SLC15A4: variants seen among roughly 807,000 people sequenced by gnomAD.
SLC15A4 encodes the protein hPHT1.
SLC15A4 carries 26 observed loss-of-function variants against 46.1 expected under a neutral mutation model. That is an observed-to-expected ratio of 0.56 (90% CI 0.41 to 0.78). The LOEUF (loss-of-function observed/expected upper bound fraction) is 0.78, where lower values mean the gene tolerates loss of function less well. Among genes scored for constraint, SLC15A4 ranks in the 30% least tolerant of loss-of-function variants. The pLI is 0.00. For missense variants in SLC15A4, 751 were observed against 755.7 expected (o/e 0.99, Z 0.07); for synonymous variants, 370 against 333.4 (o/e 1.11, Z -1.20).
At chr12:128,818,257 C>A (rs1955786508) in intron 1 of SLC15A4, among the ~76,000 whole-genome samples, 1 of 152,168 alleles carries the variant, frequency 6.6e-6, no homozygotes, top group Admixed American at 6.5e-5. Flanking sequence ...CTTGGACTCA[C>A]AGCTCACACA....
intron 2 of SLC15A4, chr12:128,814,574 G>A (rs1407441470): frequency 3.5e-6 from 2 of 578,024 alleles, no homozygotes. Flanking sequence ...CTGGAATCAG[G>A]CCACTGGCCT....
At chr12:128,815,130 C>G (rs2306683) in intron 1 of SLC15A4, 60 bp from the exon 2 acceptor site, 934,706 of 1,490,876 alleles carry the variant, frequency 0.63, 295,553 homozygotes, top group Non-Finnish European at 0.65. Flanking sequence ...GGATGAAAAC[C>G]ATATACGGTC....
Position 128,814,755 on chromosome 12 carries a change from G to A in SLC15A4, c.842+20C>T. 6.2e-7 allele frequency: 1 copy of A among 1,608,674 alleles called. No individual in the cohort carries two copies. Among genetic ancestry groups the A allele is most frequent in the South Asian group, 1.1e-5 (1 of 90,978 alleles). On this transcript the variant is annotated intron_variant, in intron 2 of 7. Coordinates refer to ENST00000266771, the MANE Select transcript of SLC15A4 (RefSeq NM_145648.4). ...GATAAAGTCCTTTCAAACAGCCCAA[G>A]ATGAGAACTAAGTGCTTACCCATTA... is the stretch of plus-strand genomic sequence containing the variant.
chr12:128,795,523 C>T (rs553390827), intron 7 of SLC15A4, among the ~76,000 whole-genome samples: 4 of 152,220 alleles, frequency 2.6e-5, no homozygotes, highest in East Asian at 3.9e-4. Flanking sequence ...GGGAAAGCGC[C>T]GAGGAGCAGC....
intron 1 of SLC15A4, among the ~76,000 whole-genome samples, chr12:128,820,375 T>C (rs555346990): frequency 3.3e-5 from 5 of 152,356 alleles, no homozygotes; most frequent in South Asian, 4.1e-4. Flanking sequence ...CTAAGACTCC[T>C]GTGAGGTTCA....
intron 5 of SLC15A4, among the ~76,000 whole-genome samples, chr12:128,802,884 G>A (rs1408140846): frequency 2.0e-5 from 3 of 152,196 alleles, no homozygotes; most frequent in African/African-American, 4.8e-5. Context: ...CGGCAAAGGC[G>A]CACACACAGC....
At chr12:128,799,928 GC>G (rs1364989906) in intron 6 of SLC15A4, among the ~76,000 whole-genome samples, 1 of 151,972 alleles carries the variant, frequency 6.6e-6, no homozygotes, top group Non-Finnish European at 1.5e-5. Context: ...CGCAACTTCC[GC>G]CTCCCTGGTT....
At chr12:128,807,607 G>T (rs1955605028) in intron 5 of SLC15A4, among the ~76,000 whole-genome samples, 1 of 152,220 alleles carries the variant, frequency 6.6e-6, no homozygotes, top group Admixed American at 6.5e-5. Flanking sequence ...CCAGTGCAAA[G>T]ACTTCCTGCA....
At position 128,823,854 on chromosome 12, in the gene SLC15A4, G is replaced by A. The variant is rs983621831; in HGVS notation, c.90C>T (p.Phe30=). ...AAAAAAAAGA[F]AGRRAACGAV... ...CCCCGCACGCCGCGCGCCGGCCCGC[G>A]AACGCCCCAGCCGCCGCCGCGGCCG... Residue 30 remains phenylalanine, a synonymous_variant, in exon 1 of 8, where the codon TTC becomes TTT. Transcript: ENST00000266771. 7.2e-6 allele frequency: 9 copies of A among 1,244,424 alleles called. No homozygotes were observed. In the African/African-American group the frequency reaches 1.3e-4, roughly 17 times the overall value. 77.1% of individuals were successfully genotyped at this position (1,244,424 alleles called of 1,614,324 possible). A position where few individuals can be genotyped will look rare whatever the true frequency, so the allele number is the denominator to read the frequency against.
rs1347433492 is a variant in SLC15A4 at position 128,823,764 on chromosome 12, T to C, written c.180A>G (p.Leu60=). The C allele has an allele frequency of 7.8e-6, 12 of 1,534,192 alleles. No individual in the cohort carries two copies. The highest frequency in any genetic ancestry group is 2.6e-5 in the East Asian group (1 of 38,196). Residue 60 remains leucine, a synonymous_variant, in exon 1 of 8, where the codon CTA becomes CTG. Transcript: ENST00000266771. ...AGCAGAACGGCGCCCCGTTCAGGAA[T>C]AGCACCAGGTTGGACGTGATGCCGT... The part of the protein sequence containing the change: ...AFYGITSNLV[L]FLNGAPFCWE...
chr12:128,823,266 G>A, intron 1 of SLC15A4, 132 bp downstream of exon 1: 2 of 862,290 alleles, frequency 2.3e-6, no homozygotes, highest in Non-Finnish European at 3.2e-6. Context: ...GGGATTCCTC[G>A]GCACTAGACA....
At chr12:128,814,038 G>A (rs1379718986) in intron 2 of SLC15A4, 1 of 155,516 alleles carries the variant, frequency 6.4e-6, no homozygotes, top group Admixed American at 6.5e-5. Context: ...TGACTTGGAG[G>A]GGTTCTGAGG....
intron 1 of SLC15A4, among the ~76,000 whole-genome samples, chr12:128,817,883 G>C (rs980576805): frequency 1.3e-5 from 2 of 152,124 alleles, no homozygotes; most frequent in African/African-American, 4.8e-5. Flanking sequence ...CCTGCCCATC[G>C]TTTGCATGAC....
intron 2 of SLC15A4, among the ~76,000 whole-genome samples, chr12:128,812,486 A>G (rs1443797360): frequency 1.3e-5 from 2 of 151,878 alleles, no homozygotes; most frequent in Non-Finnish European, 2.9e-5. Context: ...CGCCCGGCTA[A>G]TTTTTTGTAT....
chr12:128,810,831 A>G, intron 2 of SLC15A4, among the ~76,000 whole-genome samples: 1 of 152,082 alleles, frequency 6.6e-6, no homozygotes, highest in East Asian at 1.9e-4. Flanking sequence ...TCAGGGCCCT[A>G]TTGCACAGAG....
chr12:128,808,719 A>C, intron 5 of SLC15A4, 69 bp downstream of exon 5: 1 of 1,529,444 alleles, frequency 6.5e-7, no homozygotes, highest in South Asian at 1.2e-5. Flanking sequence ...ACTGCGTGTG[A>C]GCACTATATT....
chr12:128,809,681 A>G, intron 3 of SLC15A4: 1 of 548,196 alleles, frequency 1.8e-6, no homozygotes, highest in Non-Finnish European at 3.2e-6. Context: ...ATGGCCAGTT[A>G]TCCAAAGGAG....
intron 7 of SLC15A4, among the ~76,000 whole-genome samples, chr12:128,796,207 T>C (rs1955440136): frequency 6.6e-6 from 1 of 152,188 alleles, no homozygotes; most frequent in East Asian, 1.9e-4. Context: ...GGTGATCAAC[T>C]GAGGTCAGGA....
At chr12:128,822,195 C>T (rs374203140) in intron 1 of SLC15A4, among the ~76,000 whole-genome samples, 20 of 152,300 alleles carry the variant, frequency 1.3e-4, no homozygotes, top group African/African-American at 4.1e-4. Context: ...ACGTCCTTGC[C>T]CCTCCTGAAG....
Sources: allele counts gnomAD v4.1 joint callset (sites outside exome capture counted in the v4.1 genomes callset), GRCh38; gene constraint gnomAD v4.1.1; transcripts MANE v1.5; gene names NCBI Gene and HGNC (gene_info 2026-07-23, HGNC 2026-07-21).